CCPG1: variants seen among roughly 807,000 people sequenced by gnomAD.
The protein encoded by CCPG1 is cell cycle progression 1, also known as cell cycle progression protein 1.
Under a neutral mutation model 81.3 loss-of-function variants are expected in CCPG1, and 46 were observed. The observed-to-expected ratio is 0.57, with a 90% CI of 0.45 to 0.72. The LOEUF (loss-of-function observed/expected upper bound fraction) is 0.72. Among genes scored for constraint, CCPG1 ranks in the 30% least tolerant of loss-of-function variants. The probability of loss-of-function intolerance (pLI) is 0.00; values close to 1 mark genes in which losing one functional copy is unlikely to be tolerated. For synonymous variants in CCPG1, 330 were observed against 305.2 expected, an observed-to-expected ratio of 1.08 and a Z score of -0.85; for missense variants, 902 against 937.6, an observed-to-expected ratio of 0.96 and a Z score of 0.50.
chr15:55,377,296 T>C, intron 4 of CCPG1, 146 bp from the exon 5 acceptor site: 1 of 636,750 alleles, frequency 1.6e-6, no homozygotes, highest in South Asian at 2.0e-5. Context: ...AATTATGCAA[T>C]AGCAGGCTCA....
At chr15:55,372,218 G>C in intron 5 of CCPG1, 174 bp from the exon 6 acceptor site, 1 of 610,558 alleles carries the variant, frequency 1.6e-6, no homozygotes, top group Non-Finnish European at 2.9e-6. Flanking sequence ...TCAACATAAA[G>C]CCAAAACATA....
chr15:55,367,615 T>C (rs1337736256), intron 6 of CCPG1, among the ~76,000 whole-genome samples: 1 of 30,964 alleles, frequency 3.2e-5, no homozygotes, highest in Admixed American at 4.8e-4. Flanking sequence ...GGCCTGTTTG[T>C]AGGGTGGAAA....
Position 55,359,952 on chromosome 15 carries a change from T to C in CCPG1, c.1821A>G (p.Thr607=), listed in dbSNP as rs747967889. ...PVHFKEFRKN[T]NSKKCSPGHD... is the part of the protein sequence containing the mutation. ...GCCCAGGACTGCATTTCTTTGAATT[T>C]GTATTTTTTCTGAATTCTTTAAAGT... Residue 607 remains threonine, a synonymous_variant, in exon 8 of 9, where the codon ACA becomes ACG. Transcript: ENST00000442196. 1.2e-6 allele frequency: 2 copies of C among 1,613,256 alleles called. No individual in the cohort carries two copies. The highest frequency in any genetic ancestry group is 2.2e-5 in the South Asian group (2 of 90,884).
chr15:55,403,888 T>G (rs1054335619), intron 1 of CCPG1, among the ~76,000 whole-genome samples: 3 of 152,262 alleles, frequency 2.0e-5, no homozygotes. Flanking sequence ...GCTGTGTTCA[T>G]GTTCTTAACA....
intron 6 of CCPG1, among the ~76,000 whole-genome samples, chr15:55,365,777 TTC>T (rs1441639003): frequency 2.0e-5 from 3 of 151,952 alleles, no homozygotes; most frequent in African/African-American, 4.8e-5. Flanking sequence ...TCTTTAAAAA[TTC>T]TGATTACATA....
chr15:55,376,274 T>C (rs1024669280), intron 5 of CCPG1, among the ~76,000 whole-genome samples: 1 of 152,210 alleles, frequency 6.6e-6, no homozygotes, highest in African/African-American at 2.4e-5. Context: ...CATTAAAAGA[T>C]GTTATACATA....
intron 6 of CCPG1, among the ~76,000 whole-genome samples, chr15:55,371,287 G>C (rs527411376): frequency 1.3e-5 from 2 of 152,276 alleles, no homozygotes; most frequent in South Asian, 4.1e-4. Flanking sequence ...TAAGAACAAA[G>C]ATGACAAACT....
chr15:55,363,916 G>C (rs1595823110), intron 7 of CCPG1, among the ~76,000 whole-genome samples: 1 of 138,306 alleles, frequency 7.2e-6, no homozygotes. Flanking sequence ...CAATTCTTGT[G>C]CCTAAGCCTC....
chr15:55,397,068 G>A (rs1288012568), intron 1 of CCPG1, among the ~76,000 whole-genome samples: 1 of 152,172 alleles, frequency 6.6e-6, no homozygotes, highest in Admixed American at 6.5e-5. Flanking sequence ...CGGGCGATTA[G>A]CCGGGCGTGG....
chr15:55,405,956 C>T (rs2057210607), intron 1 of CCPG1, among the ~76,000 whole-genome samples: 1 of 152,182 alleles, frequency 6.6e-6, no homozygotes, highest in Non-Finnish European at 1.5e-5. Context: ...CTTCTGCCTC[C>T]CGGGTTCAAG....
intron 1 of CCPG1, among the ~76,000 whole-genome samples, chr15:55,405,578 C>T (rs892026554): frequency 3.3e-5 from 5 of 152,094 alleles, no homozygotes; most frequent in Admixed American, 3.3e-4. Context: ...GGCCTGGTGA[C>T]ATGTGCCTGT....
At chr15:55,403,336 A>G (rs562327590) in intron 1 of CCPG1, among the ~76,000 whole-genome samples, 2 of 152,226 alleles carry the variant, frequency 1.3e-5, no homozygotes, top group South Asian at 4.1e-4. Context: ...ACATTTCAAC[A>G]TGCTGGCAAT....
At chr15:55,381,837 T>C (rs1005403544) in intron 3 of CCPG1, among the ~76,000 whole-genome samples, 2 of 89,308 alleles carry the variant, frequency 2.2e-5, no homozygotes, top group Non-Finnish European at 4.5e-5. Flanking sequence ...TTTTACCAGA[T>C]TGGAACCAGA....
At chr15:55,363,253 G>T (rs536633033) in intron 7 of CCPG1, among the ~76,000 whole-genome samples, 2 of 151,648 alleles carry the variant, frequency 1.3e-5, no homozygotes, top group Non-Finnish European at 2.9e-5. Flanking sequence ...GGAGACTGAG[G>T]CAGGAGAATC....
chr15:55,364,627 C>T (rs2056282674), intron 7 of CCPG1, among the ~76,000 whole-genome samples: 1 of 150,842 alleles, frequency 6.6e-6, no homozygotes, highest in Non-Finnish European at 1.5e-5. Context: ...GTAATCCCAG[C>T]ACTTTAGGAG....
intron 3 of CCPG1, among the ~76,000 whole-genome samples, chr15:55,380,157 A>C (rs1018703469): frequency 6.6e-6 from 1 of 151,886 alleles, no homozygotes; most frequent in Non-Finnish European, 1.5e-5. Context: ...AAATAATATA[A>C]CATATAAATT....
intron 3 of CCPG1, among the ~76,000 whole-genome samples, chr15:55,383,932 T>G (rs2056751185): frequency 6.6e-6 from 1 of 152,232 alleles, no homozygotes; most frequent in Non-Finnish European, 1.5e-5. Context: ...ATCATTCATG[T>G]GTTCACTAAG....
intron 2 of CCPG1, among the ~76,000 whole-genome samples, chr15:55,388,494 G>C (rs1025943242): frequency 1.3e-5 from 2 of 152,108 alleles, no homozygotes; most frequent in African/African-American, 4.8e-5. Context: ...TCAAATCCAG[G>C]ATCTATTTTC....
rs1185895416 is a variant in CCPG1, at chr15:55,367,603, G to T, written c.707-2294C>A. Among the ~76,000 whole-genome samples, 3 of 126,244 alleles carry T rather than the reference G, an allele frequency of 2.4e-5. No homozygotes were observed. In the South Asian group the frequency reaches 8.8e-4, roughly 37 times the overall value. The allele number at this position is 126,244 out of a possible 152,430, so 82.8% of individuals were successfully genotyped here. ...CTAGCCAACACATCCAGCTGTGTAGGGGGCCTGTTTGTAGGGTGGAAAAAA... is the reference window on the plus strand; with the variant it reads ...CTAGCCAACACATCCAGCTGTGTAGTGGGCCTGTTTGTAGGGTGGAAAAAA... On this transcript the variant is annotated intron_variant, in intron 6 of 8. Transcript: ENST00000442196.
Sources: allele counts gnomAD v4.1 joint callset (sites outside exome capture counted in the v4.1 genomes callset), GRCh38; gene constraint gnomAD v4.1.1; transcripts MANE v1.5; gene names NCBI Gene and HGNC (gene_info 2026-07-23, HGNC 2026-07-21).